CELF2: variants seen among roughly 807,000 people sequenced by gnomAD.
CELF2 encodes CUG triplet repeat RNA-binding protein 2.
Under a neutral mutation model 62.6 loss-of-function variants are expected in CELF2, and 8 were observed. That is an observed-to-expected ratio of 0.13 (90% CI 0.07 to 0.23). The LOEUF (loss-of-function observed/expected upper bound fraction) is 0.23, where lower values mean the gene tolerates loss of function less well. CELF2 is among the 10% of genes least tolerant of loss of function. CELF2 has a pLI of 1.00. For missense variants in CELF2, 333 were observed against 671.0 expected (o/e 0.50, Z 5.56); for synonymous variants, 258 against 250.0 (o/e 1.03, Z -0.30).
chr10:11,084,492 A>G (rs17149445), intron 1 of CELF2, among the ~76,000 whole-genome samples: 38,037 of 152,142 alleles, frequency 0.25, 5,051 homozygotes, highest in Middle Eastern at 0.31. Context: ...GGAAAGGCTG[A>G]AGATGATGTC....
chr10:10,533,415 A>T, the CELF2 span, among the ~76,000 whole-genome samples: 1 of 152,230 alleles, frequency 6.6e-6, no homozygotes, highest in Non-Finnish European at 1.5e-5. Flanking sequence ...TTATGGAGAC[A>T]TAGGAAGGTA....
chr10:10,671,137 AC>A, the CELF2 span, among the ~76,000 whole-genome samples: 1 of 148,456 alleles, frequency 6.7e-6, no homozygotes, highest in Non-Finnish European at 1.5e-5. Context: ...CTGCACTCCA[AC>A]CTGGGTGATA....
chr10:10,494,079 G>A, the CELF2 span, among the ~76,000 whole-genome samples: 1 of 152,286 alleles, frequency 6.6e-6, no homozygotes, highest in South Asian at 2.1e-4. Flanking sequence ...TCCCAAGAGA[G>A]GCTGACTGCC....
chr10:10,470,581 A>G, the CELF2 span, among the ~76,000 whole-genome samples: 270 of 151,802 alleles, frequency 1.8e-3, no homozygotes, highest in Middle Eastern at 0.01. Context: ...TTCCTCCTCA[A>G]TCTTCAAAGG....
the CELF2 span, among the ~76,000 whole-genome samples, chr10:10,512,639 T>C: frequency 1.3e-5 from 2 of 152,100 alleles, no homozygotes; most frequent in African/African-American, 4.8e-5. Flanking sequence ...GGTCTCTAAC[T>C]CCTGAACTCA....
the CELF2 span, among the ~76,000 whole-genome samples, chr10:10,591,371 T>C: frequency 3.3e-5 from 5 of 152,156 alleles, no homozygotes; most frequent in Non-Finnish European, 7.3e-5. Flanking sequence ...CATGGGTATA[T>C]GCTTTCAGTA....
chr10:10,478,850 A>C, the CELF2 span, among the ~76,000 whole-genome samples: 1 of 152,180 alleles, frequency 6.6e-6, no homozygotes, highest in African/African-American at 2.4e-5. Flanking sequence ...GAAGCAACAG[A>C]ATATTTTTTC....
rs912042669 is a variant in CELF2 at position 11,187,402 on chromosome 10, G to T, written c.271+21720G>T. Among the ~76,000 whole-genome samples, 3 of 152,046 alleles carry T rather than the reference G, an allele frequency of 2.0e-5. No homozygotes were observed. The South Asian group carries it at 6.2e-4, about 31-fold the overall frequency. ...ATTTTTACATTCTCTCTCTTCACGT[G>T]TATGTATCTGTCTATTTAAAGTGCA... On this transcript the variant is annotated intron_variant, in intron 2 of 12. Coordinates refer to ENST00000633077, the MANE Select transcript of CELF2 (RefSeq NM_001326342.2).
chr10:11,148,740 G>A (rs1013068190), intron 1 of CELF2, among the ~76,000 whole-genome samples: 1 of 152,120 alleles, frequency 6.6e-6, no homozygotes, highest in African/African-American at 2.4e-5. Flanking sequence ...TTCTCTGTCA[G>A]GGTTCTGGAA....
At chr10:10,560,439 A>G in the CELF2 span, among the ~76,000 whole-genome samples, 1 of 152,202 alleles carries the variant, frequency 6.6e-6, no homozygotes, top group South Asian at 2.1e-4. Context: ...ATGTGACTTT[A>G]GTCCAGCTTT....
intron 2 of CELF2, among the ~76,000 whole-genome samples, chr10:11,213,949 A>G (rs976050201): frequency 1.3e-5 from 2 of 152,046 alleles, no homozygotes; most frequent in African/African-American, 2.4e-5. Flanking sequence ...ATATCCACCT[A>G]GTTTCGTGGG....
At chr10:10,695,551 C>T in the CELF2 span, among the ~76,000 whole-genome samples, 1 of 150,846 alleles carries the variant, frequency 6.6e-6, no homozygotes, top group Non-Finnish European at 1.5e-5. Flanking sequence ...TGAACGTTGG[C>T]CTGCCTTGCT....
chr10:11,311,720 C>A lies in CELF2; in HGVS notation c.977-2419C>A, dbSNP rs2094571647. On this transcript the variant is annotated intron_variant, in intron 9 of 12. Transcript: ENST00000633077. This position sits in a 1 kb window ranked among gnomAD's most constrained non-coding sequence, Gnocchi z 4.7. ...TGTAAGTTTAGCGGAACATTACATACAATTGAAAGAGAATGTGGTGAGCTG... is the reference window on the plus strand; with the variant it reads ...TGTAAGTTTAGCGGAACATTACATAAAATTGAAAGAGAATGTGGTGAGCTG... Among the ~76,000 whole-genome samples the A allele has an allele frequency of 6.6e-6, 1 of 151,264 alleles. No individual in the cohort carries two copies. The highest frequency in any genetic ancestry group is 6.6e-5 in the Admixed American group (1 of 15,206).
chr10:10,807,795 T>A (rs1167976294), intron 1 of CELF2, among the ~76,000 whole-genome samples: 1 of 152,212 alleles, frequency 6.6e-6, no homozygotes, highest in Non-Finnish European at 1.5e-5. Flanking sequence ...AAATAATTAA[T>A]TTTGTTCTGC....
rs957058172 is a variant in CELF2 at position 10,972,795 on chromosome 10, A to G, written c.89+52796A>G. Among the ~76,000 whole-genome samples, 5 of 152,108 alleles carry G rather than the reference A, an allele frequency of 3.3e-5. No homozygotes were observed. Among genetic ancestry groups the G allele is most frequent in the African/African-American group, 1.2e-4 (5 of 41,410 alleles). ...ATCTGTTCCTATTCTGAAATACACA[A>G]TATCCATGAGTGGCCCTCAGAGAGC... is the stretch of plus-strand genomic sequence containing the variant. On this transcript the variant is annotated intron_variant, in intron 2 of 13. Coordinates refer to the CELF2 transcript ENST00000636488. This position sits in a 1 kb window ranked among gnomAD's most constrained non-coding sequence, Gnocchi z 4.4.
At chr10:11,313,625 C>T (rs1344253642) in intron 9 of CELF2, among the ~76,000 whole-genome samples, 1 of 152,188 alleles carries the variant, frequency 6.6e-6, no homozygotes, top group Non-Finnish European at 1.5e-5. Context: ...TGCTACCACA[C>T]ACTTAAATGA....
At chr10:10,762,564 C>T in the CELF2 span, among the ~76,000 whole-genome samples, 2 of 152,108 alleles carry the variant, frequency 1.3e-5, no homozygotes, top group African/African-American at 4.8e-5. Context: ...AACTAACGCT[C>T]GGGAACTGAG....
intron 2 of CELF2, among the ~76,000 whole-genome samples, chr10:11,202,695 A>G (rs1418384228): frequency 6.6e-6 from 1 of 152,226 alleles, no homozygotes; most frequent in Non-Finnish European, 1.5e-5. Flanking sequence ...TGCCTTAGCT[A>G]TTGATCTTCT....
chr10:10,719,024 C>T, the CELF2 span, among the ~76,000 whole-genome samples: 1 of 134,052 alleles, frequency 7.5e-6, no homozygotes, highest in African/African-American at 2.8e-5. Context: ...CTCACTCTGT[C>T]ACCCAGGCTG....
Sources: gnomAD v4.1 joint callset for allele counts (sites outside exome capture counted in the v4.1 genomes callset) on GRCh38, gnomAD v4.1.1 for gene constraint, Gnocchi (gnomAD v3.1) non-coding constraint, MANE v1.5 for transcripts, NCBI Gene and HGNC (gene_info 2026-07-23, HGNC 2026-07-21) for gene names.